MAPDA: variants seen among roughly 807,000 people sequenced by gnomAD.
The protein encoded by MAPDA is N6,N6-dimethyl-AMP deaminase.
the MAPDA span, among the ~76,000 whole-genome samples, chr15:43,341,085 A>G: frequency 3.9e-5 from 6 of 152,334 alleles, no homozygotes; most frequent in East Asian, 1.2e-3. Context: ...TCCTCCTTCT[A>G]TAAGAGCAGC....
chr15:43,332,698 C>A, the MAPDA span, among the ~76,000 whole-genome samples: 48 of 152,260 alleles, frequency 3.2e-4, 1 homozygote, highest in South Asian at 9.3e-3. Context: ...CACCACAGTG[C>A]CTGGCTCATG....
the MAPDA span, chr15:43,340,466 G>T: frequency 1.3e-6 from 1 of 789,850 alleles, no homozygotes. Context: ...GTGTTGTTCT[G>T]TATTTCATTG....
the MAPDA span, among the ~76,000 whole-genome samples, chr15:43,337,448 T>A: frequency 6.6e-6 from 1 of 152,172 alleles, no homozygotes; most frequent in African/African-American, 2.4e-5. Flanking sequence ...AATTGTGCTT[T>A]CCCTCTGAGG....
At chr15:43,343,190 A>G in the MAPDA span, 1 of 669,614 alleles carries the variant, frequency 1.5e-6, no homozygotes, top group Non-Finnish European at 2.3e-6. Context: ...GATTTATACA[A>G]TAGAAAAATA....
the MAPDA span, among the ~76,000 whole-genome samples, chr15:43,349,803 A>C: frequency 2.0e-5 from 3 of 152,244 alleles, no homozygotes; most frequent in East Asian, 5.8e-4. Context: ...ATAATGGGCT[A>C]GATTTGCTAA....
At chr15:43,352,031 T>C in the MAPDA span, 1 of 1,363,372 alleles carries the variant, frequency 7.3e-7, no homozygotes, top group Non-Finnish European at 9.9e-7. Context: ...CACCACTCCT[T>C]TGAAGCATAG....
At chr15:43,350,085 G>A in the MAPDA span, among the ~76,000 whole-genome samples, 3 of 151,830 alleles carry the variant, frequency 2.0e-5, no homozygotes, top group Admixed American at 1.3e-4. Flanking sequence ...TTTTTGGGGG[G>A]CGGGGGACGG....
At chr15:43,350,668 A>C in the MAPDA span, among the ~76,000 whole-genome samples, 16 of 152,056 alleles carry the variant, frequency 1.1e-4, no homozygotes, top group Non-Finnish European at 1.6e-4. Context: ...TTTCCTCTCT[A>C]TTTTGGTCAA....
the MAPDA span, among the ~76,000 whole-genome samples, chr15:43,334,192 TAAAG>T: frequency 1.3e-5 from 2 of 152,132 alleles, no homozygotes; most frequent in Admixed American, 6.5e-5. Flanking sequence ...TTTTTGTAAA[TAAAG>T]AAACTGAAGC....
At chr15:43,340,217 C>A in the MAPDA span, 3 of 1,535,870 alleles carry the variant, frequency 2.0e-6, no homozygotes, top group Non-Finnish European at 2.7e-6. Context: ...TTCATTGGGA[C>A]CCTTACCCAA....
the MAPDA span, among the ~76,000 whole-genome samples, chr15:43,344,084 C>G: frequency 2.0e-5 from 3 of 151,984 alleles, no homozygotes; most frequent in Non-Finnish European, 1.5e-5. Flanking sequence ...CTCTTTAAAT[C>G]CTGCACTGGT....
chr15:43,351,949 A>G, the MAPDA span: 4 of 1,547,990 alleles, frequency 2.6e-6, no homozygotes, highest in Non-Finnish European at 3.5e-6. Flanking sequence ...TATTTAAGCT[A>G]TAATGAGGTG....
the MAPDA span, among the ~76,000 whole-genome samples, chr15:43,332,988 T>C: frequency 1.3e-5 from 2 of 152,158 alleles, no homozygotes; most frequent in Non-Finnish European, 1.5e-5. Flanking sequence ...GTGTAAAGAT[T>C]ATGATTGCTT....
the MAPDA span, chr15:43,340,150 C>A: frequency 1.1e-6 from 1 of 920,598 alleles, no homozygotes. Context: ...GAGAAACTTC[C>A]AACATTACTT....
the MAPDA span, chr15:43,335,042 C>G: frequency 6.6e-7 from 1 of 1,517,074 alleles, no homozygotes; most frequent in Non-Finnish European, 9.1e-7. Flanking sequence ...AATTTACTGA[C>G]TGAAATACAT....
chr15:43,347,145 A>AC, the MAPDA span: 1 of 1,461,042 alleles, frequency 6.8e-7, no homozygotes, highest in Non-Finnish European at 9.5e-7. Context: ...AATAGAAAAT[A>AC]ATAGGGTCAT....
chr15:43,335,831 G>A, the MAPDA span: 16 of 1,610,344 alleles, frequency 9.9e-6, no homozygotes, highest in Middle Eastern at 1.6e-4. Context: ...GGAAGAGTAA[G>A]TGTGGGGAGG....
chr15:43,349,156 G>T, the MAPDA span: 1 of 1,525,256 alleles, frequency 6.6e-7, no homozygotes, highest in South Asian at 1.3e-5. Context: ...ATGTCATCTA[G>T]CTATTAAAAG....
At chr15:43,333,482 T>C in the MAPDA span, 1 of 152,304 alleles carries the variant, frequency 6.6e-6, no homozygotes, top group East Asian at 1.9e-4. Context: ...TCGGTAGAGA[T>C]ATTAAATGCC....
Sources: gnomAD v4.1 joint callset for allele counts (sites outside exome capture counted in the v4.1 genomes callset) on GRCh38, gnomAD v4.1.1 for gene constraint, MANE v1.5 for transcripts, NCBI Gene and HGNC (gene_info 2026-07-23, HGNC 2026-07-21) for gene names.